PDE7A: variants seen among roughly 807,000 people sequenced by gnomAD.
PDE7A encodes the protein high affinity 3',5'-cyclic-AMP phosphodiesterase 7A.
PDE7A carries 39 observed loss-of-function variants against 64.3 expected under a neutral mutation model. The ratio of observed to expected loss-of-function variants is 0.61; its 90% CI spans 0.47 to 0.79. PDE7A has a LOEUF of 0.79. PDE7A is among the 30% of genes least tolerant of loss of function. PDE7A has a pLI of 0.00. For synonymous variants in PDE7A, 203 were observed against 206.8 expected (o/e 0.98, Z 0.16); for missense variants, 470 against 582.8 (o/e 0.81, Z 1.99).
chr8:65,798,206 A>ATATATATTTT, intron 1 of PDE7A, among the ~76,000 whole-genome samples: 14 of 73,808 alleles, frequency 1.9e-4, no homozygotes, highest in East Asian at 7.3e-4. Flanking sequence ...ATATATATAT[A>ATATATATTTT]TTTTTTTTTT....
chr8:65,760,511 C>T (rs1808436787), intron 3 of PDE7A, among the ~76,000 whole-genome samples: 1 of 152,024 alleles, frequency 6.6e-6, no homozygotes, highest in South Asian at 2.1e-4. Flanking sequence ...TGTCTAAAAC[C>T]CATGCCAAAC....
At chr8:65,761,483 ATTTAT>A (rs1808492367) in intron 3 of PDE7A, among the ~76,000 whole-genome samples, 1 of 152,202 alleles carries the variant, frequency 6.6e-6, no homozygotes, top group Admixed American at 6.5e-5. Context: ...AGCCTGGACT[ATTTAT>A]TTTAAGTCCC....
chr8:65,823,829 T>C (rs1810600561), intron 1 of PDE7A, among the ~76,000 whole-genome samples: 2 of 152,138 alleles, frequency 1.3e-5, no homozygotes, highest in Admixed American at 6.5e-5. Context: ...ACTGCTATTA[T>C]TACATCATTA....
intron 1 of PDE7A, among the ~76,000 whole-genome samples, chr8:65,834,937 T>C (rs1810917855): frequency 6.6e-6 from 1 of 152,214 alleles, no homozygotes; most frequent in Non-Finnish European, 1.5e-5. Flanking sequence ...TCTCCTCATA[T>C]GCTGATCCTA....
intron 3 of PDE7A, among the ~76,000 whole-genome samples, chr8:65,766,526 AG>A (rs1808793184): frequency 6.6e-6 from 1 of 152,238 alleles, no homozygotes; most frequent in Non-Finnish European, 1.5e-5. Flanking sequence ...AATGATGCTT[AG>A]GAGCAAGGGA....
At chr8:65,820,647 T>G (rs1810520145) in intron 1 of PDE7A, among the ~76,000 whole-genome samples, 1 of 152,188 alleles carries the variant, frequency 6.6e-6, no homozygotes, top group Non-Finnish European at 1.5e-5. Flanking sequence ...TGGAGTGCAG[T>G]GGCGCAATCT....
intron 1 of PDE7A, among the ~76,000 whole-genome samples, chr8:65,815,875 G>T (rs1164266516): frequency 6.6e-6 from 1 of 152,052 alleles, no homozygotes; most frequent in Non-Finnish European, 1.5e-5. Flanking sequence ...ATATACCTCC[G>T]ACTACATCTT....
chr8:65,754,488 C>A (rs1238700815), intron 3 of PDE7A, among the ~76,000 whole-genome samples: 1 of 151,686 alleles, frequency 6.6e-6, no homozygotes, highest in Non-Finnish European at 1.5e-5. Context: ...CAGGTGCCCA[C>A]CACCATGCCC....
chr8:65,831,545 A>G lies in PDE7A; in HGVS notation c.138+9826T>C, dbSNP rs1286550903. On this transcript the variant is annotated intron_variant, in intron 1 of 12. Coordinates refer to ENST00000401827, the MANE Select transcript of PDE7A (RefSeq NM_001242318.3). ...TCATCAAATAGCTCTTCTTCAAAACAATAACTATACTTAATTTTACCTCCC... is the reference window on the plus strand; with the variant it reads ...TCATCAAATAGCTCTTCTTCAAAACGATAACTATACTTAATTTTACCTCCC... 3.3e-5 allele frequency among the ~76,000 whole-genome samples: 5 copies of G among 152,254 alleles called. No homozygotes were observed. The East Asian group carries it at 9.6e-4, about 29-fold the overall frequency.
At chr8:65,734,236 T>G (rs530743976) in intron 7 of PDE7A, among the ~76,000 whole-genome samples, 1 of 152,332 alleles carries the variant, frequency 6.6e-6, no homozygotes, top group East Asian at 1.9e-4. Context: ...CAGTCTTCAC[T>G]GACTTCTGTT....
At chr8:65,757,307 A>G (rs1342958448) in intron 3 of PDE7A, among the ~76,000 whole-genome samples, 1 of 152,252 alleles carries the variant, frequency 6.6e-6, no homozygotes, top group Non-Finnish European at 1.5e-5. Flanking sequence ...AACAAGGGCT[A>G]TGGAAGTTAC....
chr8:65,833,047 A>T (rs543882513), intron 1 of PDE7A, among the ~76,000 whole-genome samples: 1 of 152,298 alleles, frequency 6.6e-6, no homozygotes, highest in South Asian at 2.1e-4. Context: ...CAAATTAGAG[A>T]CGCTTAACAC....
At chr8:65,742,951 G>A (rs1043393100) in intron 5 of PDE7A, among the ~76,000 whole-genome samples, 4 of 152,172 alleles carry the variant, frequency 2.6e-5, no homozygotes, top group Non-Finnish European at 4.4e-5. Flanking sequence ...TAACTACTGT[G>A]GACTGCTGGC....
At chr8:65,768,516 G>A (rs920053458) in intron 3 of PDE7A, among the ~76,000 whole-genome samples, 1 of 152,172 alleles carries the variant, frequency 6.6e-6, no homozygotes, top group African/African-American at 2.4e-5. Flanking sequence ...GGCCGTAATT[G>A]TGAGGCCTCC....
chr8:65,781,324 G>A (rs992144499), intron 2 of PDE7A, among the ~76,000 whole-genome samples: 2 of 152,042 alleles, frequency 1.3e-5, no homozygotes, highest in Admixed American at 6.6e-5. Context: ...GGAGCAAGGT[G>A]AGTGAGGGGA....
chr8:65,839,407 T>C (rs534732406), intron 1 of PDE7A, among the ~76,000 whole-genome samples: 1 of 152,166 alleles, frequency 6.6e-6, no homozygotes, highest in Admixed American at 6.5e-5. Flanking sequence ...CCTTTTTTTT[T>C]TTCCTATTAC....
chr8:65,726,640 T>C (rs1487144036), intron 9 of PDE7A, among the ~76,000 whole-genome samples: 1 of 152,218 alleles, frequency 6.6e-6, no homozygotes, highest in East Asian at 1.9e-4. Context: ...GTAAATTTTA[T>C]AGTATTCAAA....
At chr8:65,769,677 C>G (rs1808982519) in intron 3 of PDE7A, among the ~76,000 whole-genome samples, 1 of 152,190 alleles carries the variant, frequency 6.6e-6, no homozygotes, top group Admixed American at 6.5e-5. Context: ...AGGCAGATGA[C>G]TTGAGGTCAG....
chr8:65,821,170 AC>A (rs1368726514), intron 1 of PDE7A, among the ~76,000 whole-genome samples: 1 of 152,058 alleles, frequency 6.6e-6, no homozygotes, highest in African/African-American at 2.4e-5. Context: ...TTTTAAAAAA[AC>A]AAAACAAAAC....
Sources: allele counts gnomAD v4.1 joint callset (sites outside exome capture counted in the v4.1 genomes callset), GRCh38; gene constraint gnomAD v4.1.1; transcripts MANE v1.5; gene names NCBI Gene and HGNC (gene_info 2026-07-23, HGNC 2026-07-21).